Variants in DOCK10 observed in about 807,000 individuals in gnomAD.
DOCK10 encodes dedicator of cytokinesis protein 10.
In DOCK10, 145 loss-of-function variants were observed where a neutral mutation model predicts 280.1. The ratio of observed to expected loss-of-function variants is 0.52; its 90% CI spans 0.45 to 0.59. The LOEUF is 0.59. Ranked by LOEUF, DOCK10 falls within the 20% of genes least tolerant of loss-of-function variation. The pLI is 0.00. For missense variants in DOCK10, 2,368 were observed against 2,651.7 expected, an observed-to-expected ratio of 0.89 and a Z score of 2.35; for synonymous variants, 915 against 942.2, an observed-to-expected ratio of 0.97 and a Z score of 0.53.
intron 7 of DOCK10, among the ~76,000 whole-genome samples, chr2:224,877,791 G>T (rs1288752709): frequency 6.6e-6 from 1 of 152,210 alleles, no homozygotes; most frequent in Non-Finnish European, 1.5e-5. Context: ...TATGAGATTG[G>T]AACATACATT....
At chr2:224,822,364 A>C (rs1461150605) in intron 28 of DOCK10, among the ~76,000 whole-genome samples, 1 of 152,208 alleles carries the variant, frequency 6.6e-6, no homozygotes, top group East Asian at 1.9e-4. Context: ...ATACATATCC[A>C]GTTTAGTAAG....
At chr2:224,896,069 TA>T (rs1699970204) in intron 4 of DOCK10, among the ~76,000 whole-genome samples, 1 of 152,108 alleles carries the variant, frequency 6.6e-6, no homozygotes, top group South Asian at 2.1e-4. Flanking sequence ...AAAACTACAT[TA>T]AAAAATTAAA....
At position 224,775,110 on chromosome 2, in the gene DOCK10, G is replaced by A. The variant is rs374596718; in HGVS notation, c.5808C>T (p.Asn1936=). Reference sequence around the variant, plus strand: ...CATATTTGGGGTCCAAATCCTTGGGGTTTACCTGTGTTAACAGATTATGGG... The same window carrying A: ...CATATTTGGGGTCCAAATCCTTGGGATTTACCTGTGTTAACAGATTATGGG... ...VKIIQDSNKV[N]PKDLDPKYAY... Residue 1936 remains asparagine, a synonymous_variant, in exon 52 of 56, where the codon AAC becomes AAT. Coordinates refer to ENST00000258390, the MANE Select transcript of DOCK10 (RefSeq NM_014689.3). The A allele has an allele frequency of 3.1e-6, 5 of 1,613,880 alleles. No homozygotes were observed. Among genetic ancestry groups the A allele is most frequent in the African/African-American group, 1.3e-5 (1 of 74,944 alleles).
chr2:224,900,434 C>T (rs747071241), intron 3 of DOCK10, among the ~76,000 whole-genome samples: 1 of 152,130 alleles, frequency 6.6e-6, no homozygotes, highest in Non-Finnish European at 1.5e-5. Context: ...AGATCTTTGA[C>T]CTAGGCCCCA....
intron 1 of DOCK10, among the ~76,000 whole-genome samples, chr2:224,968,417 C>A (rs989248973): frequency 2.0e-5 from 3 of 152,212 alleles, no homozygotes; most frequent in Non-Finnish European, 4.4e-5. Flanking sequence ...GTTCTCATCT[C>A]CTGCAACCTC....
Position 224,838,910 on chromosome 2 carries a change from A to T in DOCK10, c.2780+1044T>A, listed in dbSNP as rs905738174. ...AGAACAGTTAAAGCATTTAATACTT[A>T]AAAAAAAGGTTCTTGTGGGAATGCA... is the stretch of plus-strand genomic sequence containing the variant. On this transcript the variant is annotated intron_variant, in intron 24 of 55. Transcript: ENST00000258390. 2.6e-5 allele frequency among the ~76,000 whole-genome samples: 4 copies of T among 152,136 alleles called. No homozygotes were observed. The East Asian group carries it at 5.8e-4, about 22-fold the overall frequency.
chr2:224,832,528 T>G (rs1348784890), intron 26 of DOCK10, among the ~76,000 whole-genome samples: 1 of 152,234 alleles, frequency 6.6e-6, no homozygotes, highest in Non-Finnish European at 1.5e-5. Context: ...GGGATTGATA[T>G]TCTACAAAGG....
intron 47 of DOCK10, 139 bp from the exon 48 acceptor site, chr2:224,789,309 A>G: frequency 1.8e-6 from 1 of 566,078 alleles, no homozygotes; most frequent in East Asian, 2.9e-5. Context: ...GATTATGACT[A>G]TTGATAAATG....
intron 1 of DOCK10, among the ~76,000 whole-genome samples, chr2:224,996,873 C>T (rs1706286247): frequency 6.6e-6 from 1 of 152,128 alleles, no homozygotes; most frequent in African/African-American, 2.4e-5. Context: ...TATAGGGGTG[C>T]AGCAGGCAGA....
At chr2:224,974,837 A>AAAT (rs1705330903) in intron 1 of DOCK10, among the ~76,000 whole-genome samples, 1 of 136,826 alleles carries the variant, frequency 7.3e-6, no homozygotes, top group Non-Finnish European at 1.6e-5. Context: ...TATATTATAT[A>AAAT]TAACATATAC....
intron 2 of DOCK10, among the ~76,000 whole-genome samples, chr2:224,923,900 A>G (rs1397606167): frequency 6.6e-6 from 1 of 152,224 alleles, no homozygotes; most frequent in Non-Finnish European, 1.5e-5. Context: ...TTACCCATAG[A>G]ATATTTTAGG....
chr2:224,947,004 A>T (rs1559838664), intron 1 of DOCK10: 3 of 1,508,670 alleles, frequency 2.0e-6, no homozygotes, highest in Non-Finnish European at 2.7e-6. Flanking sequence ...ATGTCGTTAA[A>T]CTCTTCTCTT....
At chr2:224,769,805 G>A (rs943169545) in intron 55 of DOCK10, among the ~76,000 whole-genome samples, 7 of 152,180 alleles carry the variant, frequency 4.6e-5, no homozygotes, top group African/African-American at 1.4e-4. Context: ...AGGGTTCATC[G>A]TGAGTATAGT....
At chr2:225,002,901 C>T (rs930601948) in intron 1 of DOCK10, among the ~76,000 whole-genome samples, 1 of 152,186 alleles carries the variant, frequency 6.6e-6, no homozygotes, top group Non-Finnish European at 1.5e-5. Flanking sequence ...GGTCGCTCAA[C>T]ACTGCAGAAC....
chr2:224,979,481 G>A (rs1249839203), intron 1 of DOCK10, among the ~76,000 whole-genome samples: 3 of 152,188 alleles, frequency 2.0e-5, no homozygotes, highest in Admixed American at 2.0e-4. Context: ...CCTGATAGCT[G>A]TGTGCCTGAC....
Position 225,042,347 on chromosome 2 carries a change from T to C in DOCK10, c.28A>G (p.Thr10Ala). 2.3e-6 allele frequency: 3 copies of C among 1,309,046 alleles called. No homozygotes were observed. The highest frequency in any genetic ancestry group is 2.9e-6 in the Non-Finnish European group (3 of 1,026,870). The allele number at this position is 1,309,046 out of a possible 1,614,324, so 81.1% of individuals were successfully genotyped here. A position where few individuals can be genotyped will look rare whatever the true frequency, so the allele number is the denominator to read the frequency against. ...TGCCCAGGTCTCAACAGGCTCCGGG[T>C]GAACCTGCGGGTCCGCTCACCGGCC... The part of the protein sequence containing the change: MAGERTRRF[T>A]RSLLRPGQAA... The change falls in exon 1 of 56, where the codon ACC (threonine) becomes GCC (alanine). Residue 10 changes from threonine to alanine, a missense_variant. By Grantham distance (58) the Thr-to-Ala change is moderately conservative (BLOSUM62 0). This residue lies in a region of DOCK10 where 1,209 missense variants were observed against 1,250.9 expected (regional missense o/e 0.97). Coordinates refer to ENST00000258390, the MANE Select transcript of DOCK10 (RefSeq NM_014689.3). This position sits in a 1 kb window ranked among gnomAD's most constrained non-coding sequence, Gnocchi z 5.1.
intron 3 of DOCK10, among the ~76,000 whole-genome samples, chr2:224,899,490 A>C (rs1416313009): frequency 6.6e-6 from 1 of 152,210 alleles, no homozygotes; most frequent in Non-Finnish European, 1.5e-5. Flanking sequence ...CTAAAAACTA[A>C]GTAAATTGTG....
intron 7 of DOCK10, 53 bp from the exon 8 acceptor site, chr2:224,876,274 G>A (rs1484306333): frequency 7.7e-6 from 11 of 1,432,622 alleles, no homozygotes; most frequent in East Asian, 4.9e-5. Context: ...ATAAGCCTTC[G>A]AGAGAGAGAT....
intron 8 of DOCK10, among the ~76,000 whole-genome samples, chr2:224,875,256 A>G (rs1244383313): frequency 6.6e-6 from 1 of 152,206 alleles, no homozygotes; most frequent in Non-Finnish European, 1.5e-5. Flanking sequence ...AAAATCAGCA[A>G]TAGTTTTTTT....
Sources: allele counts gnomAD v4.1 joint callset (sites outside exome capture counted in the v4.1 genomes callset), GRCh38; gene constraint gnomAD v4.1.1; regional missense constraint gnomAD v4.1.1; non-coding constraint Gnocchi (gnomAD v3.1); transcripts MANE v1.5; gene names NCBI Gene and HGNC (gene_info 2026-07-23, HGNC 2026-07-21).